Variants in SPIN1 observed in about 807,000 individuals in gnomAD.
SPIN1 encodes spindlin 1.
Under a neutral mutation model 26.0 loss-of-function variants are expected in SPIN1, and 3 were observed. That is an observed-to-expected ratio of 0.12 (90% CI 0.05 to 0.30). The LOEUF is 0.30. Among genes scored for constraint, SPIN1 ranks in the 10% least tolerant of loss-of-function variants. SPIN1 has a pLI of 1.00. For synonymous variants in SPIN1, 101 were observed against 116.5 expected (o/e 0.87, Z 0.86); for missense variants, 126 against 333.4 (o/e 0.38, Z 4.84).
intron 5 of SPIN1, among the ~76,000 whole-genome samples, chr9:88,474,106 A>G (rs956787110): frequency 9.2e-5 from 14 of 152,342 alleles, no homozygotes; most frequent in African/African-American, 3.1e-4. Flanking sequence ...GATACCTGTG[A>G]GAGTAAAATG....
intron 2 of SPIN1, among the ~76,000 whole-genome samples, chr9:88,442,618 C>G (rs1165531908): frequency 6.6e-6 from 1 of 151,896 alleles, no homozygotes; most frequent in Non-Finnish European, 1.5e-5. Context: ...CTCCTGACCT[C>G]AAGTGATCCA....
chr9:88,405,055 CT>C (rs749432177), intron 1 of SPIN1, among the ~76,000 whole-genome samples: 1 of 152,008 alleles, frequency 6.6e-6, no homozygotes, highest in Non-Finnish European at 1.5e-5. Flanking sequence ...GATAACAGTA[CT>C]TTCTTCTGGA....
At chr9:88,428,714 A>AT (rs1255973794) in intron 2 of SPIN1, among the ~76,000 whole-genome samples, 1 of 152,012 alleles carries the variant, frequency 6.6e-6, no homozygotes, top group Admixed American at 6.6e-5. Flanking sequence ...TTATTCTTTG[A>AT]TTTTTTTATG....
rs184716797 is a variant in SPIN1, at chr9:88,436,955, C to T, written c.52+10364C>T. Among the ~76,000 whole-genome samples, 1,109 of 151,326 alleles carry T rather than the reference C, an allele frequency of 7.3e-3. 12 individuals carry two copies. The highest frequency in any genetic ancestry group is 0.025 in the African/African-American group (1,035 of 41,332). ...ATTTTTTTTGTATTTTTAGTAGAGA[C>T]GGGGTTTCACCGTTTTAGCCGGGAT... is the stretch of plus-strand genomic sequence containing the variant. On this transcript the variant is annotated intron_variant, in intron 2 of 5. Coordinates refer to ENST00000375859, the MANE Select transcript of SPIN1 (RefSeq NM_006717.3).
intron 1 of SPIN1, among the ~76,000 whole-genome samples, chr9:88,403,976 G>A (rs1827242348): frequency 6.6e-6 from 1 of 152,154 alleles, no homozygotes; most frequent in Non-Finnish European, 1.5e-5. Context: ...AACTTAGATG[G>A]TGTAGCCTTT....
At chr9:88,409,425 G>C (rs1291250423) in intron 1 of SPIN1, among the ~76,000 whole-genome samples, 1 of 151,816 alleles carries the variant, frequency 6.6e-6, no homozygotes, top group Admixed American at 6.6e-5. Flanking sequence ...AATAATTTCG[G>C]GTCTAGGATG....
At chr9:88,464,106 A>C (rs1441798558) in intron 4 of SPIN1, among the ~76,000 whole-genome samples, 2 of 152,312 alleles carry the variant, frequency 1.3e-5, no homozygotes, top group East Asian at 1.9e-4. Flanking sequence ...GTTTGGTATT[A>C]TCTCTGTTTC....
intron 2 of SPIN1, among the ~76,000 whole-genome samples, chr9:88,429,652 G>A (rs553010859): frequency 6.6e-6 from 1 of 152,276 alleles, no homozygotes; most frequent in East Asian, 1.9e-4. Context: ...ATAGTGTTGC[G>A]CTATCTGGAA....
chr9:88,396,823 A>C (rs1339727534), intron 1 of SPIN1, among the ~76,000 whole-genome samples: 3 of 152,136 alleles, frequency 2.0e-5, no homozygotes, highest in Non-Finnish European at 4.4e-5. Context: ...ATATGGCTTA[A>C]TGCTCCTAGG....
chr9:88,431,415 C>G (rs1299288158), intron 2 of SPIN1, among the ~76,000 whole-genome samples: 1 of 151,498 alleles, frequency 6.6e-6, no homozygotes, highest in African/African-American at 2.4e-5. Flanking sequence ...CTTAGTCTCC[C>G]TAGTAGCTGG....
chr9:88,450,863 T>C (rs1828340110), intron 3 of SPIN1, among the ~76,000 whole-genome samples: 1 of 152,216 alleles, frequency 6.6e-6, no homozygotes, highest in South Asian at 2.1e-4. Flanking sequence ...ATTTTTCACA[T>C]GGAGTGAGCA....
chr9:88,452,197 A>G (rs1828368260), intron 3 of SPIN1, among the ~76,000 whole-genome samples: 1 of 152,144 alleles, frequency 6.6e-6, no homozygotes. Flanking sequence ...TGTAGTTTTC[A>G]TGATAGCCCT....
intron 4 of SPIN1, among the ~76,000 whole-genome samples, chr9:88,466,434 A>T (rs570378002): frequency 6.6e-6 from 1 of 152,068 alleles, no homozygotes; most frequent in Non-Finnish European, 1.5e-5. Context: ...AGGATTATAG[A>T]TGTGAGTCGC....
At chr9:88,452,066 A>T (rs1828364738) in intron 3 of SPIN1, among the ~76,000 whole-genome samples, 1 of 152,186 alleles carries the variant, frequency 6.6e-6, no homozygotes. Flanking sequence ...GTGGACTAGA[A>T]TCTACTAAAC....
chr9:88,420,523 A>G (rs1827649038), intron 1 of SPIN1, among the ~76,000 whole-genome samples: 1 of 152,236 alleles, frequency 6.6e-6, no homozygotes, highest in Non-Finnish European at 1.5e-5. Flanking sequence ...TAGGCAGAAA[A>G]CAAATTTAAC....
At chr9:88,446,815 A>C (rs151292791) in intron 2 of SPIN1, among the ~76,000 whole-genome samples, 9 of 152,198 alleles carry the variant, frequency 5.9e-5, no homozygotes, top group African/African-American at 2.2e-4. Flanking sequence ...TCCTATATTT[A>C]ATGTATCCTC....
At chr9:88,443,814 A>G (rs550957631) in intron 2 of SPIN1, among the ~76,000 whole-genome samples, 3 of 151,864 alleles carry the variant, frequency 2.0e-5, no homozygotes, top group African/African-American at 4.8e-5. Context: ...CCCCACCCCT[A>G]CCCCTTGTGG....
At chr9:88,459,397 ACTTT>A (rs1828532913) in intron 3 of SPIN1, among the ~76,000 whole-genome samples, 1 of 152,178 alleles carries the variant, frequency 6.6e-6, no homozygotes, top group Admixed American at 6.5e-5. Flanking sequence ...CTAGAAGTCA[ACTTT>A]CTTCTACCTC....
rs1426555930 is a variant in SPIN1, at chr9:88,476,139, T to C, written c.*862T>C. ...TTTTTTGCAAAGCCCAGGTTCTTGTTCCACACAGTGTAATGTAGGTGTATT... is the reference window on the plus strand; with the variant it reads ...TTTTTTGCAAAGCCCAGGTTCTTGTCCCACACAGTGTAATGTAGGTGTATT... On this transcript the variant is annotated 3_prime_UTR_variant, in exon 6 of 6. Coordinates refer to ENST00000375859, the MANE Select transcript of SPIN1 (RefSeq NM_006717.3). The C allele has an allele frequency of 6.6e-6, 1 of 152,144 alleles. No individual in the cohort carries two copies. Among genetic ancestry groups the C allele is most frequent in the Non-Finnish European group, 1.5e-5 (1 of 68,030 alleles). The allele number at this position is 152,144 out of a possible 1,614,324, so 9.4% of individuals were successfully genotyped here. A position where few individuals can be genotyped will look rare whatever the true frequency, so the allele number is the denominator to read the frequency against.
Sources: allele counts gnomAD v4.1 joint callset (sites outside exome capture counted in the v4.1 genomes callset), GRCh38; gene constraint gnomAD v4.1.1; transcripts MANE v1.5; gene names NCBI Gene and HGNC (gene_info 2026-07-23, HGNC 2026-07-21).